The following BMP1 variants were observed in gnomAD, a reference collection of about 807,000 sequenced individuals.
BMP1 encodes the protein bone morphogenetic protein 1, also known as mammalian tolloid protein.
A neutral mutation model predicts 116.8 loss-of-function variants in BMP1; 63 were observed. That is an observed-to-expected ratio of 0.54 (90% CI 0.44 to 0.67). The LOEUF (loss-of-function observed/expected upper bound fraction) is 0.67. Ranked by LOEUF, BMP1 falls within the 30% of genes least tolerant of loss-of-function variation. The pLI, the probability that BMP1 is intolerant of heterozygous loss-of-function variation, is 0.00. For missense variants in BMP1, 1,183 were observed against 1,358.9 expected (o/e 0.87, Z 2.04); for synonymous variants, 536 against 533.4 (o/e 1.00, Z -0.07).
rs989870590 is a variant in BMP1 at position 22,194,650 on chromosome 8, G to A, written c.1443+60G>A. 37 of 1,600,744 alleles carry A rather than the reference G, an allele frequency of 2.3e-5. No homozygotes were observed. In the African/African-American group the frequency reaches 4.5e-4, roughly 20 times the overall value. The stretch of plus-strand genomic sequence containing the variant: ...CCAGCAGTTGCTCCCTGGGACAGCT[G>A]CCTCTCTTTGGGCTCCCAGGGGTGG... On this transcript the variant is annotated intron_variant, in intron 11 of 19. Transcript: ENST00000306385. This position sits in a 1 kb window ranked among gnomAD's most constrained non-coding sequence, Gnocchi z 4.5.
chr8:22,195,721 AC>A, intron 13 of BMP1, 134 bp downstream of exon 13: 3 of 1,270,248 alleles, frequency 2.4e-6, no homozygotes, highest in Non-Finnish European at 3.2e-6. Context: ...ATCTTAGCTC[AC>A]CATAGCCTCC....
chr8:22,190,166 C>T (rs1236688772), intron 8 of BMP1, among the ~76,000 whole-genome samples: 2 of 152,200 alleles, frequency 1.3e-5, no homozygotes, highest in African/African-American at 4.8e-5. Flanking sequence ...CTCAAGTGAT[C>T]CACCTGCCTT....
At chr8:22,192,342 C>T in intron 9 of BMP1, 191 bp downstream of exon 9, 1 of 530,374 alleles carries the variant, frequency 1.9e-6, no homozygotes, top group Non-Finnish European at 3.4e-6. Context: ...TCAGGCAAGT[C>T]CTGTCCTCAA....
At position 22,197,372 on chromosome 8, in the gene BMP1, T is replaced by A. The variant is rs1432524339; in HGVS notation, c.2059T>A (p.Ser687Thr). The A allele has an allele frequency of 6.2e-7, 1 of 1,613,558 alleles. No homozygotes were observed. Among genetic ancestry groups the A allele is most frequent in the South Asian group, 1.1e-5 (1 of 91,070 alleles). The change falls in exon 15 of 20, where the codon TCC (serine) becomes ACC (threonine). Residue 687 changes from serine (S) to threonine (T), a missense_variant. This residue lies in a region of BMP1 where 956 missense variants were observed against 1,135.2 expected (regional missense o/e 0.84). Coordinates refer to ENST00000306385, the MANE Select transcript of BMP1 (RefSeq NM_006129.5). Reference protein sequence around the residue: ...QYNNMRVEFKSDNTVSKKGFK... With the variant: ...QYNNMRVEFKTDNTVSKKGFK... The stretch of plus-strand genomic sequence containing the variant: ...CAACAACATGCGCGTGGAGTTCAAG[T>A]CCGACAACACCGTGTCCAAAAAGGG...
At chr8:22,193,430 A>T (rs1373661588) in intron 9 of BMP1, among the ~76,000 whole-genome samples, 16 of 152,226 alleles carry the variant, frequency 1.1e-4, no homozygotes, top group Admixed American at 1.0e-3. Context: ...AAAGGTAAAT[A>T]ATGATGGTAA....
chr8:22,207,550 C>G (rs1366984571), intron 18 of BMP1, 34 bp downstream of exon 18: 3 of 1,604,574 alleles, frequency 1.9e-6, no homozygotes, highest in Non-Finnish European at 2.6e-6. Context: ...GTTCACTGAG[C>G]CTGGTCTCCA....
At chr8:22,183,100 C>G (rs1033507861) in intron 8 of BMP1, among the ~76,000 whole-genome samples, 3 of 151,734 alleles carry the variant, frequency 2.0e-5, no homozygotes, top group Non-Finnish European at 4.4e-5. Context: ...ACCCATTCTT[C>G]CTTGTTCTGA....
chr8:22,190,298 A>T (rs1828894041), intron 8 of BMP1, among the ~76,000 whole-genome samples: 1 of 152,246 alleles, frequency 6.6e-6, no homozygotes, highest in Non-Finnish European at 1.5e-5. Flanking sequence ...AAGGTCCCCC[A>T]AATAAATATA....
At chr8:22,174,363 T>C (rs1021158256) in intron 2 of BMP1, among the ~76,000 whole-genome samples, 1 of 152,188 alleles carries the variant, frequency 6.6e-6, no homozygotes, top group African/African-American at 2.4e-5. Flanking sequence ...TCTCCCTAGC[T>C]CTTTAAGGTC....
chr8:22,174,574 G>A (rs779511008), intron 2 of BMP1, among the ~76,000 whole-genome samples: 2 of 150,054 alleles, frequency 1.3e-5, no homozygotes, highest in Admixed American at 1.3e-4. Context: ...CACACAAATA[G>A]CCCTCCCCTT....
chr8:22,187,497 A>ATGTTTTTTT (rs1828808140), intron 8 of BMP1, among the ~76,000 whole-genome samples: 1 of 104,458 alleles, frequency 9.6e-6, no homozygotes, highest in African/African-American at 4.3e-5. Flanking sequence ...CGCCCGGCTA[A>ATGTTTTTTT]TTTTTTTTTT....
chr8:22,207,000 A>C lies in BMP1; in HGVS notation c.2361+19A>C, dbSNP rs1198519686. ...CAAGCTGGTAAGGGGTCCCCTCCCCACTCCTTATGCGGTGTGGCTGCCCCC... is the reference window on the plus strand; with the variant it reads ...CAAGCTGGTAAGGGGTCCCCTCCCCCCTCCTTATGCGGTGTGGCTGCCCCC... On this transcript the variant is annotated intron_variant, in intron 17 of 19. Transcript: ENST00000306385. 3 of 1,613,000 alleles carry C rather than the reference A, an allele frequency of 1.9e-6. No homozygotes were observed. Among genetic ancestry groups the C allele is most frequent in the Non-Finnish European group, 2.5e-6 (3 of 1,179,604 alleles).
chr8:22,197,509 A>G, intron 15 of BMP1, 89 bp downstream of exon 15: 1 of 1,436,280 alleles, frequency 7.0e-7, no homozygotes, highest in Non-Finnish European at 9.5e-7. Flanking sequence ...TGTACTCCCC[A>G]GCCCTCCCTG....
At position 22,194,696 on chromosome 8, in the gene BMP1, C is replaced by T. The variant is rs748984229; in HGVS notation, c.1444-28C>T. The T allele has an allele frequency of 6.3e-7, 1 of 1,593,352 alleles. No homozygotes were observed. On this transcript the variant is annotated intron_variant, in intron 11 of 19. Transcript: ENST00000306385. The surrounding 1 kb of genome is among the most constrained non-coding windows in gnomAD (Gnocchi z 4.5). ...GGTGGGTCTCTGGCAGCCAGAGCCC[C>T]TTCCACTGATGAAGCCTCGACCCCT...
chr8:22,199,168 C>T (rs761567284), intron 15 of BMP1: 2 of 1,367,726 alleles, frequency 1.5e-6, no homozygotes, highest in Admixed American at 3.8e-5. Flanking sequence ...TGTGCACACA[C>T]ATTGCCCCAT....
chr8:22,178,160 T>C (rs1828508327), intron 6 of BMP1, among the ~76,000 whole-genome samples: 1 of 152,196 alleles, frequency 6.6e-6, no homozygotes, highest in Non-Finnish European at 1.5e-5. Context: ...TGGCAGGGCC[T>C]TACCACCGTG....
chr8:22,188,910 C>T (rs73551707), intron 8 of BMP1, among the ~76,000 whole-genome samples: 26,230 of 152,202 alleles, frequency 0.17, 3,930 homozygotes, highest in African/African-American at 0.41. Context: ...GCAGAACTGC[C>T]TGGCAGGCCC....
In BMP1 at chr8:22,173,456, T is replaced by C. The variant is rs111951436; in HGVS notation, c.149-146T>C. ...CTATAAGCTGATCCCTAACTGCCCT[T>C]CTCCTTCTCGTTCAGATGGCATTTG... On this transcript the variant is annotated intron_variant, in intron 1 of 19. Coordinates refer to ENST00000306385, the MANE Select transcript of BMP1 (RefSeq NM_006129.5). The C allele has an allele frequency of 0.02, 11,368 of 561,094 alleles. 172 individuals carry two copies. The highest frequency in any genetic ancestry group is 0.023 in the Non-Finnish European group (7,105 of 312,578). The allele number at this position is 561,094 out of a possible 1,614,324, so 34.8% of individuals were successfully genotyped here.
At chr8:22,197,545 C>T in intron 15 of BMP1, 125 bp downstream of exon 15, 2 of 1,043,542 alleles carry the variant, frequency 1.9e-6, no homozygotes, top group Non-Finnish European at 2.8e-6. Context: ...AGTCTGCCCC[C>T]TGCTCCCCAC....
Sources: gnomAD v4.1 joint callset for allele counts (sites outside exome capture counted in the v4.1 genomes callset) on GRCh38, gnomAD v4.1.1 for gene constraint, gnomAD v4.1.1 regional missense constraint, Gnocchi (gnomAD v3.1) non-coding constraint, MANE v1.5 for transcripts, NCBI Gene and HGNC (gene_info 2026-07-23, HGNC 2026-07-21) for gene names.